Variants in FBXO32 observed in about 807,000 individuals in gnomAD.
The protein encoded by FBXO32 is F-box protein 32.
Under a neutral mutation model 48.3 loss-of-function variants are expected in FBXO32, and 15 were observed. That is an observed-to-expected ratio of 0.31 (90% CI 0.21 to 0.48). FBXO32 has a LOEUF of 0.48. Among genes scored for constraint, FBXO32 ranks in the 20% least tolerant of loss-of-function variants. FBXO32 has a pLI of 0.99. For synonymous variants in FBXO32, 154 were observed against 165.9 expected (o/e 0.93, Z 0.55); for missense variants, 309 against 432.7 (o/e 0.71, Z 2.54).
At chr8:123,530,364 A>G (rs1031351330) in intron 4 of FBXO32, among the ~76,000 whole-genome samples, 3 of 152,140 alleles carry the variant, frequency 2.0e-5, no homozygotes, top group African/African-American at 7.2e-5. Context: ...CATGGCACCG[A>G]GAAGCACAAC....
At chr8:123,512,518 C>T (rs937874889) in intron 6 of FBXO32, among the ~76,000 whole-genome samples, 9 of 149,362 alleles carry the variant, frequency 6.0e-5, no homozygotes, top group Non-Finnish European at 1.2e-4. Context: ...ATTACACCAG[C>T]GTCTTCCTCC....
At chr8:123,505,614 T>C (rs906507683) in intron 7 of FBXO32, among the ~76,000 whole-genome samples, 1 of 152,176 alleles carries the variant, frequency 6.6e-6, no homozygotes, top group Non-Finnish European at 1.5e-5. Flanking sequence ...TGTGCACCTG[T>C]AATCCCAGCT....
chr8:123,521,102 G>C (rs1816944163), intron 4 of FBXO32, among the ~76,000 whole-genome samples: 2 of 152,120 alleles, frequency 1.3e-5, no homozygotes, highest in Admixed American at 6.5e-5. Context: ...TGGTTTCATT[G>C]TTCTTCATTG....
rs577639766 is a variant in FBXO32, at chr8:123,541,077, C to A, written c.-63G>T. ...CCGGCCTGGTGGGCTCGGGGACGTG[C>A]CACCCGGGGCGGATGCTCGGGGTGC... On this transcript the variant is annotated 5_prime_UTR_variant, in exon 1 of 9. Transcript: ENST00000517956. 1.0e-4 allele frequency: 119 copies of A among 1,146,378 alleles called. No individual in the cohort carries two copies. In the African/African-American group the frequency reaches 1.8e-3, roughly 17 times the overall value. 71.0% of individuals were successfully genotyped at this position (1,146,378 alleles called of 1,614,324 possible).
chr8:123,523,073 C>T (rs979983759), intron 4 of FBXO32, among the ~76,000 whole-genome samples: 5 of 152,244 alleles, frequency 3.3e-5, no homozygotes, highest in African/African-American at 9.6e-5. Flanking sequence ...CATCAATTAC[C>T]GCTCCTTGCC....
chr8:123,521,557 G>T (rs1367644772), intron 4 of FBXO32, among the ~76,000 whole-genome samples: 1 of 152,176 alleles, frequency 6.6e-6, no homozygotes, highest in African/African-American at 2.4e-5. Flanking sequence ...GTAAACACTT[G>T]GGCTTTCAGA....
At position 123,504,677 on chromosome 8, in the gene FBXO32, C is replaced by T. The variant is rs150551215; in HGVS notation, c.905G>A (p.Arg302Gln). 1,210 of 1,614,004 alleles carry T rather than the reference C, an allele frequency of 7.5e-4. 11 individuals carry two copies. In the African/African-American group the frequency reaches 0.014, roughly 19 times the overall value. The change falls in exon 8 of 9, where the codon CGA (arginine) becomes CAA (glutamine). Residue 302 changes from arginine (R) to glutamine (Q), a missense_variant. Arg to Gln is a conservative substitution (Grantham distance 43). Coordinates refer to ENST00000517956, the MANE Select transcript of FBXO32 (RefSeq NM_058229.4). ...DWKKMYFKLV[R>Q]CYPRKEQYGD... Reference sequence around the variant, plus strand: ...ATACTGCTCTTTCCTTGGGTAACATCGGACAAGTTTGAAATACATCTTCTT... The same window carrying T: ...ATACTGCTCTTTCCTTGGGTAACATTGGACAAGTTTGAAATACATCTTCTT...
Position 123,506,358 on chromosome 8 carries a change from A to T in FBXO32, c.834+34T>A, listed in dbSNP as rs533691665. 6 of 1,608,020 alleles carry T rather than the reference A, an allele frequency of 3.7e-6. No individual in the cohort carries two copies. In the African/African-American group the frequency reaches 5.3e-5, roughly 14 times the overall value. ...AGTTTGGGGTGAGGGCCAGAGAAGG[A>T]GGGTGGGAGGAAAGCCCACTGGGCC... On this transcript the variant is annotated intron_variant, in intron 7 of 8. Transcript: ENST00000517956. This position sits in a 1 kb window ranked among gnomAD's most constrained non-coding sequence, Gnocchi z 4.0.
At chr8:123,533,019 T>C (rs1201047382) in intron 3 of FBXO32, among the ~76,000 whole-genome samples, 172 bp downstream of exon 3, 1 of 152,226 alleles carries the variant, frequency 6.6e-6, no homozygotes, top group East Asian at 1.9e-4. Flanking sequence ...CTTCTTTCTC[T>C]CTCTGTTCTA....
chr8:123,517,638 C>T (rs1816867002), intron 4 of FBXO32, among the ~76,000 whole-genome samples: 1 of 148,358 alleles, frequency 6.7e-6, no homozygotes, highest in South Asian at 2.1e-4. Context: ...TGGTAGGTGA[C>T]AGGGACATGA....
intron 4 of FBXO32, among the ~76,000 whole-genome samples, chr8:123,529,042 T>G (rs1325611700): frequency 6.6e-6 from 1 of 152,204 alleles, no homozygotes; most frequent in Non-Finnish European, 1.5e-5. Flanking sequence ...CAAAACACAG[T>G]GGCTATCATT....
rs546241419 is a variant in FBXO32, at chr8:123,540,282, G to A, written c.116+617C>T. Among the ~76,000 whole-genome samples, 130 of 152,288 alleles carry A rather than the reference G, an allele frequency of 8.5e-4. No homozygotes were observed. Among genetic ancestry groups the A allele is most frequent in the African/African-American group, 3.0e-3 (125 of 41,572 alleles). On this transcript the variant is annotated intron_variant, in intron 1 of 8. Transcript: ENST00000517956. This position sits in a 1 kb window ranked among gnomAD's most constrained non-coding sequence, Gnocchi z 6.4. ...GCCCCCTTCCCTCCTTTGCACCTCT[G>A]CAGCCCCAAGCCTCCACCGCTCGCA...
chr8:123,516,052 G>A (rs1225425151), intron 4 of FBXO32, among the ~76,000 whole-genome samples: 1 of 152,120 alleles, frequency 6.6e-6, no homozygotes, highest in African/African-American at 2.4e-5. Flanking sequence ...TAGACTGGAA[G>A]GAATCTTAAG....
chr8:123,529,794 T>C (rs1231897096), intron 4 of FBXO32, among the ~76,000 whole-genome samples: 3 of 152,210 alleles, frequency 2.0e-5, no homozygotes, highest in South Asian at 2.1e-4. Flanking sequence ...AATGAACATA[T>C]TGATGAAATA....
chr8:123,500,214 G>A lies in FBXO32; in HGVS notation c.*3159C>T, dbSNP rs948037931. ...ATATTCTCCTTGTCCCAAATGCAAG[G>A]GTTTACTCTCAAGAGACTCTAGGCT... On this transcript the variant is annotated 3_prime_UTR_variant, in exon 9 of 9. Coordinates refer to ENST00000517956, the MANE Select transcript of FBXO32 (RefSeq NM_058229.4). 6.6e-6 allele frequency: 1 copy of A among 151,926 alleles called. No individual in the cohort carries two copies. Among genetic ancestry groups the A allele is most frequent in the Admixed American group, 6.6e-5 (1 of 15,244 alleles). 9.4% of individuals were successfully genotyped at this position (151,926 alleles called of 1,614,324 possible).
Position 123,498,583 on chromosome 8 carries a change from C to T in FBXO32, c.*4790G>A, listed in dbSNP as rs891601826. 9 of 152,144 alleles carry T rather than the reference C, an allele frequency of 5.9e-5. No homozygotes were observed. Among genetic ancestry groups the T allele is most frequent in the Admixed American group, 4.6e-4 (7 of 15,254 alleles). 9.4% of individuals were successfully genotyped at this position (152,144 alleles called of 1,614,324 possible). A position where few individuals can be genotyped will look rare whatever the true frequency, so the allele number is the denominator to read the frequency against. ...ATGAAGTTTAGTGGAGAATGAACATCCGCTGGGCTAGAAATGCACTGAATC... is the reference window on the plus strand; with the variant it reads ...ATGAAGTTTAGTGGAGAATGAACATTCGCTGGGCTAGAAATGCACTGAATC... On this transcript the variant is annotated 3_prime_UTR_variant, in exon 9 of 9. Coordinates refer to ENST00000517956, the MANE Select transcript of FBXO32 (RefSeq NM_058229.4).
chr8:123,506,728 G>T lies in FBXO32; in HGVS notation c.652-154C>A. On this transcript the variant is annotated intron_variant, in intron 6 of 8. Transcript: ENST00000517956. The surrounding 1 kb of genome is among the most constrained non-coding windows in gnomAD (Gnocchi z 4.0). ...AGTAGTAAATCTCCCCATCCTAAAT[G>T]CAGACAGGAGACCATGGCCATGACC... is the stretch of plus-strand genomic sequence containing the variant. 1 of 634,242 alleles carries T rather than the reference G, an allele frequency of 1.6e-6. No homozygotes were observed. 39.3% of individuals were successfully genotyped at this position (634,242 alleles called of 1,614,324 possible).
intron 1 of FBXO32, among the ~76,000 whole-genome samples, chr8:123,538,989 T>C (rs1244286390): frequency 6.6e-5 from 10 of 152,196 alleles, no homozygotes; most frequent in Admixed American, 6.5e-4. Context: ...GTATAGGGTA[T>C]TTTAAAACAA....
intron 4 of FBXO32, 31 bp downstream of exon 4, chr8:123,531,867 C>T (rs1817216465): frequency 6.2e-7 from 1 of 1,609,508 alleles, no homozygotes; most frequent in Non-Finnish European, 8.5e-7. Flanking sequence ...GGGAAAGAGC[C>T]TGGATGAGCC....
Sources: allele counts gnomAD v4.1 joint callset (sites outside exome capture counted in the v4.1 genomes callset), GRCh38; gene constraint gnomAD v4.1.1; non-coding constraint Gnocchi (gnomAD v3.1); transcripts MANE v1.5; gene names NCBI Gene and HGNC (gene_info 2026-07-23, HGNC 2026-07-21).